Variants in PDCD1LG2 observed in about 807,000 individuals in gnomAD.
PDCD1LG2 encodes the protein programmed cell death 1 ligand 2, also known as B7 dendritic cell molecule.
A neutral mutation model predicts 28.2 loss-of-function variants in PDCD1LG2; 32 were observed. The observed-to-expected ratio is 1.13, with a 90% CI of 0.86 to 1.52. PDCD1LG2 has a LOEUF of 1.52. Among genes scored for constraint, PDCD1LG2 ranks in the 40% most tolerant of loss-of-function variants. The probability of loss-of-function intolerance (pLI) is 0.00; values close to 1 mark genes in which losing one functional copy is unlikely to be tolerated. For synonymous variants in PDCD1LG2, 116 were observed against 120.2 expected, an observed-to-expected ratio of 0.97 and a Z score of 0.23; for missense variants, 385 against 323.8, an observed-to-expected ratio of 1.19 and a Z score of -1.45.
chr9:5,566,216 C>A (rs1047912808), intron 6 of PDCD1LG2, among the ~76,000 whole-genome samples: 2 of 152,208 alleles, frequency 1.3e-5, no homozygotes, highest in Non-Finnish European at 2.9e-5. Context: ...TCTTACAAGA[C>A]TTTTATTCAG....
intron 2 of PDCD1LG2, among the ~76,000 whole-genome samples, chr9:5,532,848 G>A (rs962505017): frequency 1.3e-5 from 2 of 152,196 alleles, no homozygotes; most frequent in African/African-American, 4.8e-5. Context: ...CCTACTGCCT[G>A]CCAGATCTAG....
In PDCD1LG2 at chr9:5,534,790, A is replaced by G. The variant is rs1820548187; in HGVS notation, c.101A>G (p.His34Arg). The part of the protein sequence containing the change: ...TVPKELYIIE[H>R]GSNVTLECNF... ...CCTAAGGAACTGTACATAATAGAGCATGGCAGCAATGTGACCCTGGAATGC... is the reference window on the plus strand; with the variant it reads ...CCTAAGGAACTGTACATAATAGAGCGTGGCAGCAATGTGACCCTGGAATGC... Residue 34 changes from histidine (H) to arginine (R), a missense_variant, in exon 3 of 7, where the codon CAT becomes CGT. Coordinates refer to ENST00000397747, the MANE Select transcript of PDCD1LG2 (RefSeq NM_025239.4). 6.2e-7 allele frequency: 1 copy of G among 1,614,130 alleles called. No homozygotes were observed. Among genetic ancestry groups the G allele is most frequent in the East Asian group, 2.2e-5 (1 of 44,886 alleles).
intron 3 of PDCD1LG2, among the ~76,000 whole-genome samples, chr9:5,538,160 T>C (rs1453042971): frequency 1.3e-5 from 2 of 152,166 alleles, no homozygotes; most frequent in African/African-American, 4.8e-5. Flanking sequence ...AGGAATTGAA[T>C]AGATTAGGTT....
intron 1 of PDCD1LG2, among the ~76,000 whole-genome samples, chr9:5,519,208 G>A (rs996319176): frequency 2.6e-5 from 4 of 152,212 alleles, no homozygotes; most frequent in Admixed American, 1.3e-4. Context: ...CATAGGGGCT[G>A]TCCCTAGTCT....
rs2129793072 is a variant in PDCD1LG2, at chr9:5,534,826, C to A, written c.137C>A (p.Thr46Asn). The change falls in exon 3 of 7, where the codon ACT becomes AAT. Residue 46 changes from threonine to asparagine, a missense_variant. Physicochemically the swap from Thr to Asn is moderately conservative, Grantham distance 65. Transcript: ENST00000397747. ...SNVTLECNFD[T>N]GSHVNLGAIT... ...GTGACCCTGGAATGCAACTTTGACA[C>A]TGGAAGTCATGTGAACCTTGGAGCA... 1 of 1,614,148 alleles carries A rather than the reference C, an allele frequency of 6.2e-7. No homozygotes were observed. Among genetic ancestry groups the A allele is most frequent in the South Asian group, 1.1e-5 (1 of 91,084 alleles).
At chr9:5,525,968 AC>A (rs1157222536) in intron 2 of PDCD1LG2, among the ~76,000 whole-genome samples, 9 of 151,192 alleles carry the variant, frequency 6.0e-5, no homozygotes, top group Non-Finnish European at 1.0e-4. Flanking sequence ...AATCGCTTGA[AC>A]CAGGGAGTCG....
intron 1 of PDCD1LG2, among the ~76,000 whole-genome samples, chr9:5,515,102 C>T (rs1459549422): frequency 1.3e-5 from 2 of 152,228 alleles, no homozygotes; most frequent in African/African-American, 2.4e-5. Flanking sequence ...TTTCACATAC[C>T]TTGTCCAAGT....
At chr9:5,517,173 T>A (rs191467316) in intron 1 of PDCD1LG2, among the ~76,000 whole-genome samples, 2 of 152,276 alleles carry the variant, frequency 1.3e-5, no homozygotes, top group Admixed American at 1.3e-4. Flanking sequence ...GACTAAGGAT[T>A]GTTGGGAATG....
In PDCD1LG2 at chr9:5,518,500, G is replaced by C. The variant is rs192529295; in HGVS notation, c.-14-4033G>C. ...GTGCTGGCAAGTGCCAGGCCTGTTG[G>C]TGCAGCTTAAGATGATACCTTTCTT... On this transcript the variant is annotated intron_variant, in intron 1 of 6. Transcript: ENST00000397747. Among the ~76,000 whole-genome samples the C allele has an allele frequency of 2.6e-5, 4 of 152,228 alleles. No individual in the cohort carries two copies. The South Asian group carries it at 8.3e-4, about 32-fold the overall frequency.
intron 6 of PDCD1LG2, among the ~76,000 whole-genome samples, chr9:5,564,771 G>A (rs1021833025): frequency 1.2e-4 from 19 of 152,182 alleles, no homozygotes; most frequent in Admixed American, 1.2e-3. Context: ...CTCAAGTTGA[G>A]CTGCTCCACC....
Position 5,570,348 on chromosome 9 carries a change from A to G in PDCD1LG2, c.*389A>G, listed in dbSNP as rs567686365. The G allele has an allele frequency of 3.9e-6, 1 of 256,272 alleles. No homozygotes were observed. The highest frequency in any genetic ancestry group is 1.5e-4 in the South Asian group (1 of 6,878). The allele number at this position is 256,272 out of a possible 1,614,324, so 15.9% of individuals were successfully genotyped here. A position where few individuals can be genotyped will look rare whatever the true frequency, so the allele number is the denominator to read the frequency against. ...GGTGTGTGGAAATTTCCAGTAACAGAAACAGATGGGTTGCCAATAGAGTTA... is the reference window on the plus strand; with the variant it reads ...GGTGTGTGGAAATTTCCAGTAACAGGAACAGATGGGTTGCCAATAGAGTTA... On this transcript the variant is annotated 3_prime_UTR_variant, in exon 7 of 7. Coordinates refer to ENST00000397747, the MANE Select transcript of PDCD1LG2 (RefSeq NM_025239.4).
intron 1 of PDCD1LG2, among the ~76,000 whole-genome samples, chr9:5,520,510 T>C (rs1018933521): frequency 1.3e-5 from 2 of 152,210 alleles, no homozygotes; most frequent in Non-Finnish European, 2.9e-5. Context: ...GACATCCAGT[T>C]GTCCCTGTAC....
intron 2 of PDCD1LG2, among the ~76,000 whole-genome samples, chr9:5,530,781 C>G (rs953093569): frequency 6.6e-6 from 1 of 152,218 alleles, no homozygotes; most frequent in Non-Finnish European, 1.5e-5. Flanking sequence ...TCAACTATTA[C>G]GCTACTTCCC....
At chr9:5,544,353 A>C (rs545835964) in intron 3 of PDCD1LG2, among the ~76,000 whole-genome samples, 1 of 152,336 alleles carries the variant, frequency 6.6e-6, no homozygotes, top group Non-Finnish European at 1.5e-5. Flanking sequence ...CACTTGACAG[A>C]CACTGGAACC....
intron 2 of PDCD1LG2, among the ~76,000 whole-genome samples, chr9:5,531,553 T>C (rs1820484281): frequency 6.6e-6 from 1 of 152,224 alleles, no homozygotes; most frequent in Admixed American, 6.5e-5. Flanking sequence ...TGGCACGCAT[T>C]CTTACAAGGC....
chr9:5,568,236 T>C (rs1012012958), intron 6 of PDCD1LG2, among the ~76,000 whole-genome samples: 2 of 152,018 alleles, frequency 1.3e-5, no homozygotes, highest in African/African-American at 2.4e-5. Flanking sequence ...AAGGCAGGGG[T>C]CCCCAACCTC....
intron 3 of PDCD1LG2, among the ~76,000 whole-genome samples, chr9:5,535,336 C>A (rs1820559777): frequency 6.6e-6 from 1 of 152,132 alleles, no homozygotes; most frequent in Admixed American, 6.5e-5. Context: ...GAAAAATAAG[C>A]TTTGCCTAAT....
rs1446283047 is a variant in PDCD1LG2, at chr9:5,534,986, G to C, written c.297G>C (p.Gln99His). The change falls in exon 3 of 7, where the codon CAG becomes CAC. Residue 99 changes from glutamine (Q) to histidine (H), a missense_variant. By Grantham distance (24) the Gln-to-His change is conservative. Transcript: ENST00000397747. ...IPQVQVRDEG[Q>H]YQCIIIYGVA... ...AAGTCCAAGTGAGGGACGAAGGACAGTACCAATGCATAATCATCTATGGGG... is the reference window on the plus strand; with the variant it reads ...AAGTCCAAGTGAGGGACGAAGGACACTACCAATGCATAATCATCTATGGGG... 6.2e-7 allele frequency: 1 copy of C among 1,614,172 alleles called. No homozygotes were observed. Among genetic ancestry groups the C allele is most frequent in the Middle Eastern group, 1.6e-4 (1 of 6,062 alleles).
chr9:5,550,965 T>C (rs926307387), intron 4 of PDCD1LG2, among the ~76,000 whole-genome samples: 19 of 152,168 alleles, frequency 1.2e-4, no homozygotes, highest in Non-Finnish European at 2.9e-5. Flanking sequence ...ATTGCTAGGA[T>C]TACAGGCGTG....
Sources: gnomAD v4.1 joint callset for allele counts (sites outside exome capture counted in the v4.1 genomes callset) on GRCh38, gnomAD v4.1.1 for gene constraint, MANE v1.5 for transcripts, NCBI Gene and HGNC (gene_info 2026-07-23, HGNC 2026-07-21) for gene names.